The following RFX6 variants were observed in gnomAD, a reference collection of about 807,000 sequenced individuals.
The protein encoded by RFX6 is regulatory factor X6.
RFX6 carries 50 observed loss-of-function variants against 110.8 expected under a neutral mutation model. The observed-to-expected ratio is 0.45, with a 90% confidence interval of 0.36 to 0.57. The LOEUF (loss-of-function observed/expected upper bound fraction) is 0.57. RFX6 is among the 20% of genes least tolerant of loss of function. RFX6 has a pLI of 0.00. For missense variants in RFX6, 990 were observed against 1,127.0 expected (o/e 0.88, Z 1.74); for synonymous variants, 383 against 411.2 (o/e 0.93, Z 0.83).
Position 116,880,678 on chromosome 6 carries a change from C to T in RFX6, c.504+11C>T, listed in dbSNP as rs745575226. 22 of 1,612,974 alleles carry T rather than the reference C, an allele frequency of 1.4e-5. No homozygotes were observed. Among genetic ancestry groups the T allele is most frequent in the East Asian group, 4.5e-5 (2 of 44,846 alleles). ...GCCACCTTTGGAAAGGTAAATGACA[C>T]GTATTGGCTATAGTGACTTATAACT... is the stretch of plus-strand genomic sequence containing the variant. On this transcript the variant is annotated intron_variant, in intron 3 of 18. Transcript: ENST00000332958.
At chr6:116,913,981 T>C (rs1298062222) in intron 7 of RFX6, among the ~76,000 whole-genome samples, 1 of 152,238 alleles carries the variant, frequency 6.6e-6, no homozygotes, top group African/African-American at 2.4e-5. Flanking sequence ...AATAGATTAT[T>C]GTAAGCTATA....
chr6:116,917,966 T>A, intron 9 of RFX6, 71 bp from the exon 10 acceptor site: 1 of 1,053,352 alleles, frequency 9.5e-7, no homozygotes, highest in South Asian at 1.3e-5. Flanking sequence ...AAAAAGTAGT[T>A]GACCAATAAT....
chr6:116,920,508 A>G (rs1455930094), intron 12 of RFX6, 54 bp downstream of exon 12: 1 of 1,475,500 alleles, frequency 6.8e-7, no homozygotes. Context: ...GAAAATTGAC[A>G]TCTTGAGCTG....
At chr6:116,903,024 GA>G in intron 6 of RFX6, among the ~76,000 whole-genome samples, 1 of 152,018 alleles carries the variant, frequency 6.6e-6, no homozygotes, top group Non-Finnish European at 1.5e-5. Context: ...ATTGAGAAAG[GA>G]AAAAACAAAA....
At chr6:116,896,902 T>C (rs1358606160) in intron 6 of RFX6, among the ~76,000 whole-genome samples, 3 of 152,142 alleles carry the variant, frequency 2.0e-5, no homozygotes, top group Non-Finnish European at 1.5e-5. Context: ...AAAGATTCTA[T>C]TTTTTTAAAG....
rs367799774 is a variant in RFX6 at position 116,922,256 on chromosome 6, G to A, written c.1437+105G>A. 133 of 726,998 alleles carry A rather than the reference G, an allele frequency of 1.8e-4. No individual in the cohort carries two copies. In the African/African-American group the frequency reaches 2.1e-3, roughly 12 times the overall value. The allele number at this position is 726,998 out of a possible 1,614,324, so 45.0% of individuals were successfully genotyped here. On this transcript the variant is annotated intron_variant, in intron 13 of 18. Coordinates refer to ENST00000332958, the MANE Select transcript of RFX6 (RefSeq NM_173560.4). ...GGGAGAGGGGTGGAAGGCTGTGTGT[G>A]TAAAGGCTTTGAAAAGCTTTTGATG...
intron 2 of RFX6, among the ~76,000 whole-genome samples, chr6:116,878,539 T>C (rs1006745370): frequency 4.6e-5 from 7 of 152,146 alleles, no homozygotes; most frequent in Admixed American, 4.6e-4. Context: ...TTGGATTTTG[T>C]GGAAAATCTT....
intron 4 of RFX6, among the ~76,000 whole-genome samples, chr6:116,890,087 T>C (rs1218147653): frequency 4.6e-5 from 7 of 152,090 alleles, no homozygotes; most frequent in African/African-American, 1.7e-4. Context: ...TGTATTTCAC[T>C]AGAACTTTCT....
chr6:116,897,334 A>C (rs1343750220), intron 6 of RFX6, among the ~76,000 whole-genome samples: 1 of 152,136 alleles, frequency 6.6e-6, no homozygotes, highest in Non-Finnish European at 1.5e-5. Context: ...GCCTCTACCC[A>C]TTACATTCCA....
At chr6:116,897,173 G>A (rs1774965957) in intron 6 of RFX6, among the ~76,000 whole-genome samples, 1 of 152,162 alleles carries the variant, frequency 6.6e-6, no homozygotes, top group Admixed American at 6.5e-5. Context: ...GTGGAGTAGG[G>A]GAAGAGGGAA....
chr6:116,927,174 G>A lies in RFX6; in HGVS notation c.2033G>A (p.Cys678Tyr). 6.2e-7 allele frequency: 1 copy of A among 1,614,128 alleles called. No homozygotes were observed. Among genetic ancestry groups the A allele is most frequent in the Non-Finnish European group, 8.5e-7 (1 of 1,180,020 alleles). Residue 678 changes from cysteine to tyrosine, a missense_variant, in exon 17 of 19, where the codon TGC becomes TAC. Physicochemically the swap from Cys to Tyr is radical, Grantham distance 194. Around this residue, in one of 5 missense-constraint regions of RFX6, gnomAD observed 438 missense variants for 441.9 expected, o/e 0.99. Transcript: ENST00000332958. The part of the protein sequence containing the change: ...VGPVLSAPSH[C>Y]STYPEPIYPT... Reference sequence around the variant, plus strand: ...CCAGTACTGTCAGCTCCATCACACTGCTCCACATACCCAGAGCCCATTTAT... The same window carrying A: ...CCAGTACTGTCAGCTCCATCACACTACTCCACATACCCAGAGCCCATTTAT...
intron 7 of RFX6, among the ~76,000 whole-genome samples, chr6:116,915,648 AC>A (rs1298629312): frequency 6.6e-6 from 1 of 152,134 alleles, no homozygotes; most frequent in Non-Finnish European, 1.5e-5. Flanking sequence ...TACTACTTTT[AC>A]TACTTTATGT....
At chr6:116,921,376 C>T (rs975335128) in intron 12 of RFX6, among the ~76,000 whole-genome samples, 1 of 152,140 alleles carries the variant, frequency 6.6e-6, no homozygotes, top group Admixed American at 6.5e-5. Flanking sequence ...TTTTGGAAAG[C>T]AGGAAATCAC....
At chr6:116,906,878 A>G (rs1431091100) in intron 6 of RFX6, among the ~76,000 whole-genome samples, 1 of 145,766 alleles carries the variant, frequency 6.9e-6, no homozygotes, top group Admixed American at 6.9e-5. Context: ...TTTTTTGCCT[A>G]ACTACTCTAG....
intron 6 of RFX6, 115 bp downstream of exon 6, chr6:116,895,322 A>T: frequency 1.6e-6 from 1 of 643,266 alleles, no homozygotes; most frequent in East Asian, 2.7e-5. Context: ...TTTATTAGGA[A>T]TTCCTTGACG....
rs1381154309 is a variant in RFX6 at position 116,925,672 on chromosome 6, G to T, written c.1885+13G>T. 6.3e-7 allele frequency: 1 copy of T among 1,589,156 alleles called. No individual in the cohort carries two copies. Among genetic ancestry groups the T allele is most frequent in the Non-Finnish European group, 8.6e-7 (1 of 1,158,226 alleles). Reference sequence around the variant, plus strand: ...ATGCCGCTCACAGGTACGCTAAAGAGAACTGCTTAGGCTCCAGCACATCTC... The same window carrying T: ...ATGCCGCTCACAGGTACGCTAAAGATAACTGCTTAGGCTCCAGCACATCTC... On this transcript the variant is annotated intron_variant, in intron 16 of 18. Transcript: ENST00000332958.
intron 18 of RFX6, among the ~76,000 whole-genome samples, 183 bp from the exon 19 acceptor site, chr6:116,931,148 G>A (rs1775875533): frequency 6.6e-6 from 1 of 152,174 alleles, no homozygotes; most frequent in South Asian, 2.1e-4. Context: ...ATTTCTGGGA[G>A]ACTAGCAAGT....
chr6:116,915,915 T>C (rs1562144267), intron 7 of RFX6, 93 bp from the exon 8 acceptor site: 8 of 905,846 alleles, frequency 8.8e-6, no homozygotes, highest in South Asian at 4.0e-5. Flanking sequence ...TGGTACGTAA[T>C]AGGATCTTTT....
Position 116,911,519 on chromosome 6 carries a change from C to T in RFX6, c.780+477C>T, listed in dbSNP as rs138268280. Among the ~76,000 whole-genome samples the T allele has an allele frequency of 2.2e-3, 329 of 152,166 alleles. 9 individuals are homozygous for T. In the South Asian group the frequency reaches 0.056, roughly 26 times the overall value. ...CCTTACTTCTAAAATTCTGTGTTCTCTTATATTTGCATTTTTTAAAGTTAA... is the reference window on the plus strand; with the variant it reads ...CCTTACTTCTAAAATTCTGTGTTCTTTTATATTTGCATTTTTTAAAGTTAA... On this transcript the variant is annotated intron_variant, in intron 7 of 18. Transcript: ENST00000332958.
Sources: gnomAD v4.1 joint callset for allele counts (sites outside exome capture counted in the v4.1 genomes callset) on GRCh38, gnomAD v4.1.1 for gene constraint, gnomAD v4.1.1 regional missense constraint, MANE v1.5 for transcripts, NCBI Gene and HGNC (gene_info 2026-07-23, HGNC 2026-07-21) for gene names.